Variants in SUPT3H observed in about 807,000 individuals in gnomAD.
The protein encoded by SUPT3H is SPT3 homolog, SAGA and STAGA complex component.
Under a neutral mutation model 44.3 loss-of-function variants are expected in SUPT3H, and 44 were observed. That is an observed-to-expected ratio of 0.99 (90% CI 0.78 to 1.28). The LOEUF (loss-of-function observed/expected upper bound fraction) is 1.28. SUPT3H is among the 50% of genes most tolerant of loss of function. SUPT3H has a pLI of 0.00. For missense variants in SUPT3H, 380 were observed against 387.1 expected (o/e 0.98, Z 0.15); for synonymous variants, 124 against 125.6 (o/e 0.99, Z 0.09).
chr6:44,933,599 T>A (rs1469202441), intron 9 of SUPT3H, among the ~76,000 whole-genome samples: 1 of 152,166 alleles, frequency 6.6e-6, no homozygotes, highest in Non-Finnish European at 1.5e-5. Context: ...ATTAAATAAG[T>A]TGAAATACAT....
rs58655964 is a variant in SUPT3H, at chr6:45,110,569, T to TA, written c.102-4564dup. Among the ~76,000 whole-genome samples, 9 of 149,654 alleles carry TA rather than the reference T, an allele frequency of 6.0e-5. No homozygotes were observed. The Admixed American group carries it at 6.0e-4, about 10-fold the overall frequency. On this transcript the variant is annotated intron_variant, in intron 2 of 10. Transcript: ENST00000371459. ...AGTGCTTTCTAACATCAGCTTTTTTTAAAAAAAAAAAAGGAGAAAGATTTC... is the reference window on the plus strand; with the variant it reads ...AGTGCTTTCTAACATCAGCTTTTTTTAAAAAAAAAAAAAGGAGAAAGATTTC...
chr6:45,280,182 G>A lies in SUPT3H; in HGVS notation c.101+85019C>T, dbSNP rs1264156564. 3.3e-5 allele frequency among the ~76,000 whole-genome samples: 5 copies of A among 152,192 alleles called. No homozygotes were observed. In the East Asian group the frequency reaches 7.7e-4, roughly 24 times the overall value. ...AAAACAGGTTCCAAGAACTAAATGA[G>A]GGTACACCAAGAATGTGAGCACAAA... On this transcript the variant is annotated intron_variant, in intron 2 of 10. Transcript: ENST00000371459.
intron 2 of SUPT3H, among the ~76,000 whole-genome samples, chr6:45,150,880 GC>G (rs888551298): frequency 6.6e-6 from 1 of 151,870 alleles, no homozygotes; most frequent in Admixed American, 6.6e-5. Context: ...GCGCCACCAT[GC>G]CCGGCTAGTT....
chr6:45,350,248 T>G (rs915011614), intron 2 of SUPT3H, among the ~76,000 whole-genome samples: 2 of 152,198 alleles, frequency 1.3e-5, no homozygotes, highest in African/African-American at 4.8e-5. Context: ...TAGTACACAG[T>G]AGGCACCCAC....
At chr6:45,002,171 G>C (rs1782091701) in intron 6 of SUPT3H, among the ~76,000 whole-genome samples, 1 of 151,990 alleles carries the variant, frequency 6.6e-6, no homozygotes, top group East Asian at 1.9e-4. Flanking sequence ...TAACTATAAA[G>C]AAGAAGTGTA....
At chr6:45,036,399 T>A (rs1425826727) in intron 3 of SUPT3H, among the ~76,000 whole-genome samples, 1 of 151,984 alleles carries the variant, frequency 6.6e-6, no homozygotes, top group African/African-American at 2.4e-5. Flanking sequence ...GGAGAGTGGC[T>A]GGGGATGAGA....
In SUPT3H at chr6:45,015,791, G is replaced by GCA. The variant is rs1161660689; in HGVS notation, c.274-901_274-900insTG. On this transcript the variant is annotated intron_variant, in intron 4 of 10. Coordinates refer to ENST00000371459, the MANE Select transcript of SUPT3H (RefSeq NM_003599.4). ...CTGTTAAAAACTAAGATGCACACAC[G>GCA]CGCGCGCACACACACACACACACAC... Among the ~76,000 whole-genome samples the GCA allele has an allele frequency of 2.1e-4, 30 of 143,232 alleles. No homozygotes were observed. In the East Asian group the frequency reaches 2.1e-3, roughly 10 times the overall value. 94.0% of individuals were successfully genotyped at this position (143,232 alleles called of 152,430 possible). A position where few individuals can be genotyped will look rare whatever the true frequency, so the allele number is the denominator to read the frequency against.
At chr6:45,365,893 T>C (rs1416144820) in intron 1 of SUPT3H, among the ~76,000 whole-genome samples, 3 of 152,074 alleles carry the variant, frequency 2.0e-5, no homozygotes, top group Non-Finnish European at 4.4e-5. Flanking sequence ...TTATATTTTA[T>C]AATCCTATGG....
At chr6:45,218,008 A>G (rs114422135) in intron 2 of SUPT3H, among the ~76,000 whole-genome samples, 3,066 of 152,196 alleles carry the variant, frequency 0.02, 103 homozygotes, top group African/African-American at 0.069. Flanking sequence ...GAAATAGAGG[A>G]AAATAAACAG....
chr6:45,304,034 T>C (rs1380333819), intron 2 of SUPT3H, among the ~76,000 whole-genome samples: 2 of 152,070 alleles, frequency 1.3e-5, no homozygotes, highest in East Asian at 3.9e-4. Context: ...TGTACTTCTC[T>C]TTTAATAGAC....
chr6:45,230,662 CTATATATATATATATAT>C lies in SUPT3H; in HGVS notation c.102-124673_102-124657del, dbSNP rs1767818223. 7.3e-5 allele frequency among the ~76,000 whole-genome samples: 5 copies of C among 68,718 alleles called. 1 individual carries two copies. The highest frequency in any genetic ancestry group is 1.4e-4 in the Admixed American group (1 of 7,274). 45.1% of individuals were successfully genotyped at this position (68,718 alleles called of 152,430 possible). On this transcript the variant is annotated intron_variant, in intron 2 of 10. Coordinates refer to ENST00000371459, the MANE Select transcript of SUPT3H (RefSeq NM_003599.4). ...AAATCATGTTTTAAATTCATTCAGT[CTATATATATATATATAT>C]ATATATATTTTTGAGATGGAGTCTT...
chr6:45,000,822 A>C (rs550277226), intron 6 of SUPT3H, among the ~76,000 whole-genome samples: 1 of 152,180 alleles, frequency 6.6e-6, no homozygotes, highest in Non-Finnish European at 1.5e-5. Flanking sequence ...CTCTCTGGTA[A>C]GCTCTAATCC....
At chr6:45,370,125 G>A (rs546989408) in intron 1 of SUPT3H, among the ~76,000 whole-genome samples, 1 of 152,324 alleles carries the variant, frequency 6.6e-6, no homozygotes, top group African/African-American at 2.4e-5. Flanking sequence ...TATACTATAT[G>A]GAAGCAAGAG....
intron 2 of SUPT3H, among the ~76,000 whole-genome samples, chr6:45,296,185 T>TATATATATACACAC (rs377152580): frequency 7.1e-6 from 1 of 140,454 alleles, no homozygotes; most frequent in Non-Finnish European, 1.5e-5. Context: ...ATACACATAC[T>TATATATATACACAC]ACACACACAC....
intron 2 of SUPT3H, among the ~76,000 whole-genome samples, chr6:45,352,126 C>A (rs1054142905): frequency 6.6e-6 from 1 of 152,096 alleles, no homozygotes; most frequent in African/African-American, 2.4e-5. Flanking sequence ...TTTTTATAAG[C>A]AAAAGAAGTG....
chr6:45,363,214 G>A (rs1794570292), intron 2 of SUPT3H, among the ~76,000 whole-genome samples: 2 of 152,092 alleles, frequency 1.3e-5, no homozygotes, highest in Admixed American at 1.3e-4. Flanking sequence ...GAATAAGCCT[G>A]GGTATGGTAC....
At chr6:45,208,560 C>T (rs1338366635) in intron 2 of SUPT3H, among the ~76,000 whole-genome samples, 1 of 152,014 alleles carries the variant, frequency 6.6e-6, no homozygotes, top group Non-Finnish European at 1.5e-5. Context: ...CCTGTCCCTA[C>T]TAAAGATACA....
At chr6:44,812,625 G>A (rs1207556716) in intron 11 of SUPT3H, among the ~76,000 whole-genome samples, 1 of 152,136 alleles carries the variant, frequency 6.6e-6, no homozygotes, top group Non-Finnish European at 1.5e-5. Context: ...TTGGGGTAGG[G>A]GTACAAATTA....
At chr6:45,299,034 A>G (rs1366014376) in intron 2 of SUPT3H, among the ~76,000 whole-genome samples, 1 of 152,184 alleles carries the variant, frequency 6.6e-6, no homozygotes, top group Non-Finnish European at 1.5e-5. Flanking sequence ...CATCAAAATA[A>G]ATTAAAATGT....
Sources: allele counts gnomAD v4.1 joint callset (sites outside exome capture counted in the v4.1 genomes callset), GRCh38; gene constraint gnomAD v4.1.1; transcripts MANE v1.5; gene names NCBI Gene and HGNC (gene_info 2026-07-23, HGNC 2026-07-21).